GUF1: variants seen among roughly 807,000 people sequenced by gnomAD.
GUF1 encodes GTP binding elongation factor GUF1.
In GUF1, 78 loss-of-function variants were observed where a neutral mutation model predicts 82.4. The ratio of observed to expected loss-of-function variants is 0.95; its 90% CI spans 0.79 to 1.14. GUF1 has a LOEUF of 1.14. Ranked by LOEUF, GUF1 falls within the 50% of genes most tolerant of loss-of-function variation. The pLI is 0.00. For synonymous variants in GUF1, 279 were observed against 282.3 expected (o/e 0.99, Z 0.12); for missense variants, 814 against 798.2 (o/e 1.02, Z -0.24).
chr4:44,696,215 T>C (rs898730624), intron 15 of GUF1, among the ~76,000 whole-genome samples: 4 of 152,198 alleles, frequency 2.6e-5, no homozygotes, highest in African/African-American at 9.7e-5. Flanking sequence ...ATTTGCATTC[T>C]AGATTAGGGA....
intron 13 of GUF1, among the ~76,000 whole-genome samples, chr4:44,693,680 T>G (rs940796698): frequency 2.6e-5 from 4 of 152,150 alleles, no homozygotes; most frequent in Admixed American, 2.0e-4. Context: ...TGTCTGTGAT[T>G]GGGACAACTT....
intron 16 of GUF1, among the ~76,000 whole-genome samples, 195 bp from the exon 17 acceptor site, chr4:44,698,349 C>T (rs568297770): frequency 1.7e-4 from 26 of 152,104 alleles, no homozygotes; most frequent in African/African-American, 6.3e-4. Flanking sequence ...GGAATCTTCA[C>T]CTCCATCCAG....
rs1714726911 is a variant in GUF1 at position 44,680,799 on chromosome 4, A to G, written c.383A>G (p.Asn128Ser). The G allele has an allele frequency of 1.2e-6, 2 of 1,612,486 alleles. No homozygotes were observed. Among genetic ancestry groups the G allele is most frequent in the Non-Finnish European group, 8.5e-7 (1 of 1,178,932 alleles). ...GCACAGACAGCATCTCTCTTTTACA[A>G]TTGTGAAGGAAAGCAGTACCTTTTA... The part of the protein sequence containing the change: ...VKAQTASLFY[N>S]CEGKQYLLNL... The change falls in exon 3 of 17, where the codon AAT (asparagine) becomes AGT (serine). Residue 128 changes from asparagine to serine, a missense_variant. Asn to Ser is a conservative substitution (Grantham distance 46). Transcript: ENST00000281543.
chr4:44,693,738 C>T (rs1320334439), intron 13 of GUF1, among the ~76,000 whole-genome samples: 2 of 152,058 alleles, frequency 1.3e-5, no homozygotes, highest in African/African-American at 2.4e-5. Context: ...ATAAGTGAAA[C>T]ATTTAAATGT....
At chr4:44,694,952 G>T (rs1452307085) in intron 14 of GUF1, among the ~76,000 whole-genome samples, 1 of 151,956 alleles carries the variant, frequency 6.6e-6, no homozygotes, top group Non-Finnish European at 1.5e-5. Flanking sequence ...GACTACAAGC[G>T]CATGCTACCA....
Position 44,678,569 on chromosome 4 carries a change from C to T in GUF1, c.-54C>T. ...GGGGGTACCTTCGAAAAAAAACGGG[C>T]TATGCTGCTGTTGCGTGTGGGTACC... On this transcript the variant is annotated 5_prime_UTR_variant, in exon 1 of 17. Coordinates refer to ENST00000281543, the MANE Select transcript of GUF1 (RefSeq NM_021927.3). 1 of 1,376,204 alleles carries T rather than the reference C, an allele frequency of 7.3e-7. No homozygotes were observed. The highest frequency in any genetic ancestry group is 9.5e-7 in the Non-Finnish European group (1 of 1,056,594). 85.2% of individuals were successfully genotyped at this position (1,376,204 alleles called of 1,614,324 possible).
Position 44,686,565 on chromosome 4 carries a change from G to T in GUF1, c.790G>T (p.Asp264Tyr). The change falls in exon 8 of 17, where the codon GAC becomes TAC. Residue 264 changes from aspartate to tyrosine, a missense_variant. Transcript: ENST00000281543. ...AGCTTTGGTATTTGACTCCACCTTT[G>T]ACCAGTATAGAGGTGTGATAGCCAA... The part of the protein sequence containing the change: ...LRALVFDSTF[D>Y]QYRGVIANVA... 6.2e-7 allele frequency: 1 copy of T among 1,612,260 alleles called. No homozygotes were observed. The highest frequency in any genetic ancestry group is 1.1e-5 in the South Asian group (1 of 90,984).
At position 44,698,851 on chromosome 4, in the gene GUF1, T is replaced by C; in HGVS notation, c.*170T>C. The C allele has an allele frequency of 1.7e-6, 1 of 586,008 alleles. No individual in the cohort carries two copies. Among genetic ancestry groups the C allele is most frequent in the Non-Finnish European group, 3.0e-6 (1 of 338,070 alleles). The allele number at this position is 586,008 out of a possible 1,614,324, so 36.3% of individuals were successfully genotyped here. A position where few individuals can be genotyped will look rare whatever the true frequency, so the allele number is the denominator to read the frequency against. On this transcript the variant is annotated 3_prime_UTR_variant, in exon 17 of 17. Coordinates refer to ENST00000281543, the MANE Select transcript of GUF1 (RefSeq NM_021927.3). ...GGCAAGAGCTTAGATTTTGAAGCCATGTTGCCTGTTCTCAAATATCTGTTC... is the reference window on the plus strand; with the variant it reads ...GGCAAGAGCTTAGATTTTGAAGCCACGTTGCCTGTTCTCAAATATCTGTTC...
intron 16 of GUF1, 21 bp from the exon 17 acceptor site, chr4:44,698,523 A>G (rs768723387): frequency 1.5e-5 from 24 of 1,566,924 alleles, no homozygotes; most frequent in Admixed American, 6.1e-5. Flanking sequence ...TAGACTTCCA[A>G]TGTTTTAAAA....
intron 4 of GUF1, 70 bp from the exon 5 acceptor site, chr4:44,682,264 T>C (rs1032774113): frequency 4.2e-5 from 32 of 760,924 alleles, no homozygotes; most frequent in Non-Finnish European, 6.2e-5. Context: ...TATAGAATGG[T>C]CTTAAATTAC....
In GUF1 at chr4:44,683,306, T is replaced by C. The variant is rs144642431; in HGVS notation, c.657T>C (p.Asp219=). Residue 219 remains aspartate (D), a synonymous_variant, in exon 6 of 17, where the codon GAT becomes GAC. Coordinates refer to ENST00000281543, the MANE Select transcript of GUF1 (RefSeq NM_021927.3). ...AGAAAGTGTTTGATATTCCAAGTGA[T>C]GAATGTATTAAGGTAAAATACGTTC... The part of the protein sequence containing the change: ...QIEKVFDIPS[D]ECIKISAKLG... 3.2e-6 allele frequency: 5 copies of C among 1,569,780 alleles called. No individual in the cohort carries two copies. The African/African-American group carries it at 6.9e-5, about 22-fold the overall frequency.
rs1714703541 is a variant in GUF1, at chr4:44,680,529, C to A, written c.254C>A (p.Ala85Asp). ...AHVDHGKSTL[A>D]DRLLELTGTI... The stretch of plus-strand genomic sequence containing the variant: ...GTGGATCATGGCAAAAGTACTTTAG[C>A]TGACAGGCTCCTAGAACTTACAGGT... Residue 85 changes from alanine (A) to aspartate (D), a missense_variant, in exon 2 of 17, where the codon GCT becomes GAT. Transcript: ENST00000281543. The A allele has an allele frequency of 6.2e-7, 1 of 1,606,614 alleles. No homozygotes were observed. The highest frequency in any genetic ancestry group is 1.3e-5 in the African/African-American group (1 of 74,826).
chr4:44,684,033 A>G (rs1274089138), intron 6 of GUF1, among the ~76,000 whole-genome samples: 1 of 152,124 alleles, frequency 6.6e-6, no homozygotes, highest in Non-Finnish European at 1.5e-5. Context: ...AAATTCATTC[A>G]GATTCTTATT....
Position 44,688,011 on chromosome 4 carries a change from G to T in GUF1, c.943G>T (p.Ala315Ser). The change falls in exon 9 of 17, where the codon GCA (alanine) becomes TCA (serine). Residue 315 changes from alanine (A) to serine (S), a missense_variant. Transcript: ENST00000281543. ...PNEQPTHKLY[A>S]GQVGYLIAGM... is the part of the protein sequence containing the mutation. ...GCATATAATAATTTTATTTAGATAT[G>T]CAGGACAGGTGGGCTATCTGATTGC... 1 of 1,610,828 alleles carries T rather than the reference G, an allele frequency of 6.2e-7. No individual in the cohort carries two copies. Among genetic ancestry groups the T allele is most frequent in the Non-Finnish European group, 8.5e-7 (1 of 1,177,806 alleles).
In GUF1 at chr4:44,700,825, TC is replaced by T. The variant is rs1716194904; in HGVS notation, c.*2147del. ...ACATACATTATCATCTTATGTATCTTCCCTCCCTCTTCCAGGTTCTGATAAA... is the reference window on the plus strand; with the variant it reads ...ACATACATTATCATCTTATGTATCTTCCTCCCTCTTCCAGGTTCTGATAAA... On this transcript the variant is annotated 3_prime_UTR_variant, in exon 17 of 17. Transcript: ENST00000281543. 6.6e-6 allele frequency: 1 copy of T among 152,160 alleles called. No homozygotes were observed. The highest frequency in any genetic ancestry group is 2.1e-4 in the South Asian group (1 of 4,832). 9.4% of individuals were successfully genotyped at this position (152,160 alleles called of 1,614,324 possible). A position where few individuals can be genotyped will look rare whatever the true frequency, so the allele number is the denominator to read the frequency against.
intron 10 of GUF1, 126 bp downstream of exon 10, chr4:44,689,535 C>A: frequency 1.8e-6 from 2 of 1,088,772 alleles, no homozygotes; most frequent in Non-Finnish European, 2.5e-6. Context: ...TAAAATGGTG[C>A]ATTGTTCTGG....
At chr4:44,683,738 A>G (rs988619788) in intron 6 of GUF1, among the ~76,000 whole-genome samples, 3 of 152,124 alleles carry the variant, frequency 2.0e-5, no homozygotes, top group Non-Finnish European at 4.4e-5. Context: ...AACCTATTTT[A>G]TAAAAAGCTA....
chr4:44,687,035 C>T (rs1219524585), intron 8 of GUF1, among the ~76,000 whole-genome samples: 3 of 151,810 alleles, frequency 2.0e-5, no homozygotes, highest in Non-Finnish European at 4.4e-5. Flanking sequence ...TCATTTTTGA[C>T]ATTTCTTCAT....
chr4:44,680,349 T>C (rs567064365), intron 1 of GUF1, 92 bp from the exon 2 acceptor site: 5 of 597,908 alleles, frequency 8.4e-6, no homozygotes, highest in Non-Finnish European at 1.5e-5. Flanking sequence ...AATGATATTG[T>C]TCAACGATTA....
Sources: gnomAD v4.1 joint callset for allele counts (sites outside exome capture counted in the v4.1 genomes callset) on GRCh38, gnomAD v4.1.1 for gene constraint, MANE v1.5 for transcripts, NCBI Gene and HGNC (gene_info 2026-07-23, HGNC 2026-07-21) for gene names.